FSTL4: variants seen among roughly 807,000 people sequenced by gnomAD.
The protein encoded by FSTL4 is follistatin-related protein 4.
In FSTL4, 28 loss-of-function variants were observed where a neutral mutation model predicts 78.2. The observed-to-expected ratio is 0.36, with a 90% CI of 0.27 to 0.49. FSTL4 has a LOEUF of 0.49. Among genes scored for constraint, FSTL4 ranks in the 20% least tolerant of loss-of-function variants. FSTL4 has a pLI of 0.98. For missense variants in FSTL4, 922 were observed against 1,084.9 expected (o/e 0.85, Z 2.11); for synonymous variants, 422 against 440.5 (o/e 0.96, Z 0.53).
chr5:133,660,594 T>C, the FSTL4 span, among the ~76,000 whole-genome samples: 1 of 152,158 alleles, frequency 6.6e-6, no homozygotes, highest in Non-Finnish European at 1.5e-5. Flanking sequence ...AGAACTGAAG[T>C]TGTCTCGGTT....
chr5:133,625,069 T>C, the FSTL4 span, among the ~76,000 whole-genome samples: 1 of 151,814 alleles, frequency 6.6e-6, no homozygotes, highest in Non-Finnish European at 1.5e-5. Context: ...ATGAGAGATA[T>C]GGGTCTTTAA....
intron 3 of FSTL4, among the ~76,000 whole-genome samples, chr5:133,441,640 A>G (rs1757161079): frequency 6.6e-6 from 1 of 152,160 alleles, no homozygotes; most frequent in Admixed American, 6.5e-5. Context: ...AGGGAAATTG[A>G]GTCACTTCCA....
chr5:133,461,160 C>A (rs77259601), intron 3 of FSTL4, among the ~76,000 whole-genome samples: 444 of 152,280 alleles, frequency 2.9e-3, no homozygotes, highest in African/African-American at 9.8e-3. Context: ...GGACTGCTTG[C>A]ACAAATCACT....
At chr5:133,660,039 T>C in the FSTL4 span, among the ~76,000 whole-genome samples, 1 of 152,212 alleles carries the variant, frequency 6.6e-6, no homozygotes, top group Non-Finnish European at 1.5e-5. Context: ...GAGTTTTGTC[T>C]ACCCAATATG....
chr5:133,548,213 T>C (rs1036687661), intron 3 of FSTL4, among the ~76,000 whole-genome samples: 1 of 152,136 alleles, frequency 6.6e-6, no homozygotes, highest in Non-Finnish European at 1.5e-5. Context: ...AACCTAAGGG[T>C]GTCATGGAAA....
the FSTL4 span, among the ~76,000 whole-genome samples, chr5:133,822,828 C>T: frequency 4.6e-5 from 7 of 152,144 alleles, no homozygotes; most frequent in Non-Finnish European, 8.8e-5. Context: ...AGAGAATTAC[C>T]TCCCAGAGGT....
chr5:133,218,311 C>G (rs1177583797), intron 12 of FSTL4, among the ~76,000 whole-genome samples: 1 of 152,144 alleles, frequency 6.6e-6, no homozygotes, highest in Non-Finnish European at 1.5e-5. Flanking sequence ...CATTTCTGCT[C>G]CATCACCCTG....
chr5:133,402,630 G>C (rs1224982024), intron 3 of FSTL4, among the ~76,000 whole-genome samples: 2 of 151,866 alleles, frequency 1.3e-5, no homozygotes, highest in Non-Finnish European at 2.9e-5. Flanking sequence ...TCTTGTTTTT[G>C]GTTAAGTCTG....
the FSTL4 span, among the ~76,000 whole-genome samples, chr5:133,758,902 AGCT>A: frequency 3.9e-5 from 6 of 152,204 alleles, no homozygotes; most frequent in Non-Finnish European, 7.3e-5. Context: ...TTCTTCATAG[AGCT>A]GCTTGAATGT....
intron 2 of FSTL4, among the ~76,000 whole-genome samples, chr5:133,568,140 G>A (rs1760068805): frequency 6.6e-6 from 1 of 152,186 alleles, no homozygotes; most frequent in African/African-American, 2.4e-5. Context: ...GGTAGCTCTA[G>A]AAGAATGAAA....
At chr5:133,301,557 T>C (rs1329677595) in intron 6 of FSTL4, among the ~76,000 whole-genome samples, 1 of 152,108 alleles carries the variant, frequency 6.6e-6, no homozygotes, top group African/African-American at 2.4e-5. Flanking sequence ...CTCCATACAC[T>C]GCCCATCGCA....
chr5:133,503,671 T>C (rs901735690), intron 3 of FSTL4, among the ~76,000 whole-genome samples: 2 of 152,228 alleles, frequency 1.3e-5, no homozygotes, highest in East Asian at 1.9e-4. Context: ...GCCATCCACA[T>C]GCTGATGACT....
chr5:133,489,458 C>T (rs904545399), intron 3 of FSTL4, among the ~76,000 whole-genome samples: 4 of 152,162 alleles, frequency 2.6e-5, no homozygotes, highest in African/African-American at 9.7e-5. Context: ...ATCCCAGGGG[C>T]TTCCATTTTT....
chr5:133,716,092 G>T, the FSTL4 span, among the ~76,000 whole-genome samples: 4 of 152,302 alleles, frequency 2.6e-5, no homozygotes, highest in Admixed American at 2.6e-4. Context: ...CTGTTAAAAT[G>T]TCCAAATGTA....
chr5:133,682,292 A>T, the FSTL4 span, among the ~76,000 whole-genome samples: 44 of 152,228 alleles, frequency 2.9e-4, no homozygotes, highest in African/African-American at 1.0e-3. Flanking sequence ...TGTCAGAAGC[A>T]CTTCCTTACT....
chr5:133,433,694 G>C (rs1216929206), intron 3 of FSTL4, among the ~76,000 whole-genome samples: 6 of 152,196 alleles, frequency 3.9e-5, no homozygotes. Context: ...GATAGGTAAA[G>C]TCAGGGTGGC....
the FSTL4 span, among the ~76,000 whole-genome samples, chr5:133,818,999 A>C: frequency 1.0e-3 from 145 of 144,394 alleles, 3 homozygotes; most frequent in African/African-American, 3.6e-3. Flanking sequence ...CAGGAAGATC[A>C]GCAGAATTTC....
intron 2 of FSTL4, among the ~76,000 whole-genome samples, chr5:133,570,271 T>G (rs991993966): frequency 6.6e-6 from 1 of 152,020 alleles, no homozygotes; most frequent in African/African-American, 2.4e-5. Context: ...TTGGAAGTTT[T>G]CCTTTTATTA....
intron 6 of FSTL4, among the ~76,000 whole-genome samples, chr5:133,255,590 G>T (rs1359159454): frequency 2.0e-5 from 3 of 152,364 alleles, no homozygotes; most frequent in African/African-American, 7.2e-5. Flanking sequence ...CCTAGCACAA[G>T]GCATGGCACA....
Sources: gnomAD v4.1 joint callset for allele counts (sites outside exome capture counted in the v4.1 genomes callset) on GRCh38, gnomAD v4.1.1 for gene constraint, MANE v1.5 for transcripts, NCBI Gene and HGNC (gene_info 2026-07-23, HGNC 2026-07-21) for gene names.